ARHGAP35: variants seen among roughly 807,000 people sequenced by gnomAD.
ARHGAP35 encodes the protein rho GTPase-activating protein 35.
In ARHGAP35, 15 loss-of-function variants were observed where a neutral mutation model predicts 111.1. The ratio of observed to expected loss-of-function variants is 0.13; its 90% CI spans 0.09 to 0.21. The LOEUF (loss-of-function observed/expected upper bound fraction) is 0.21, where lower values mean the gene tolerates loss of function less well. ARHGAP35 is among the 10% of genes least tolerant of loss of function. ARHGAP35 has a pLI of 1.00. For missense variants in ARHGAP35, 1,262 were observed against 1,873.0 expected, an observed-to-expected ratio of 0.67 and a Z score of 6.02; for synonymous variants, 643 against 710.3, an observed-to-expected ratio of 0.91 and a Z score of 1.51.
intron 5 of ARHGAP35, among the ~76,000 whole-genome samples, chr19:46,995,938 C>T (rs999670814): frequency 6.6e-6 from 1 of 152,192 alleles, no homozygotes; most frequent in Non-Finnish European, 1.5e-5. Flanking sequence ...CCTCCTTGAC[C>T]TCTGCCCAGC....
intron 3 of ARHGAP35, among the ~76,000 whole-genome samples, chr19:46,938,002 T>G (rs1315178748): frequency 6.6e-6 from 1 of 152,234 alleles, no homozygotes; most frequent in Non-Finnish European, 1.5e-5. Context: ...TGCATTGTTC[T>G]TGAAATAATT....
At chr19:46,981,846 T>C (rs1033403176) in intron 3 of ARHGAP35, among the ~76,000 whole-genome samples, 5 of 151,440 alleles carry the variant, frequency 3.3e-5, no homozygotes, top group African/African-American at 1.2e-4. Flanking sequence ...TGTTTTGTTT[T>C]GTTTTGTTTT....
At chr19:46,900,578 G>C (rs910952040) in intron 1 of ARHGAP35, among the ~76,000 whole-genome samples, 1 of 152,130 alleles carries the variant, frequency 6.6e-6, no homozygotes, top group East Asian at 1.9e-4. Context: ...ATAACTTGAG[G>C]TAATACTTAA....
chr19:46,958,218 C>T (rs932205255), intron 3 of ARHGAP35, among the ~76,000 whole-genome samples: 2 of 151,620 alleles, frequency 1.3e-5, no homozygotes, highest in Non-Finnish European at 2.9e-5. Flanking sequence ...CCCGTCTCTA[C>T]TAAAAATACA....
At chr19:46,953,869 C>T (rs555091262) in intron 3 of ARHGAP35, among the ~76,000 whole-genome samples, 2 of 152,180 alleles carry the variant, frequency 1.3e-5, no homozygotes, top group African/African-American at 4.8e-5. Flanking sequence ...CACACGGTGT[C>T]GTGCCTCTGC....
At chr19:46,957,273 C>G (rs964737259) in intron 3 of ARHGAP35, among the ~76,000 whole-genome samples, 1 of 152,026 alleles carries the variant, frequency 6.6e-6, no homozygotes, top group African/African-American at 2.4e-5. Flanking sequence ...AGCAGACTTT[C>G]TAACACTGCT....
chr19:46,957,952 G>A (rs2056450414), intron 3 of ARHGAP35, among the ~76,000 whole-genome samples: 1 of 152,150 alleles, frequency 6.6e-6, no homozygotes, highest in South Asian at 2.1e-4. Context: ...GGAGGGAGCT[G>A]GAGTGCAGTG....
intron 1 of ARHGAP35, among the ~76,000 whole-genome samples, chr19:46,869,438 C>G (rs1290473295): frequency 6.6e-6 from 1 of 151,050 alleles, no homozygotes; most frequent in South Asian, 2.1e-4. Flanking sequence ...GCAGTCCTGC[C>G]TGGGTGATGG....
At chr19:46,969,396 GGC>G (rs1379459804) in intron 3 of ARHGAP35, among the ~76,000 whole-genome samples, 1 of 152,208 alleles carries the variant, frequency 6.6e-6, no homozygotes, top group African/African-American at 2.4e-5. Flanking sequence ...AGTCTGCAGT[GGC>G]CTGTGTTCTT....
At chr19:46,889,493 A>G (rs1363013573) in intron 1 of ARHGAP35, among the ~76,000 whole-genome samples, 1 of 152,092 alleles carries the variant, frequency 6.6e-6, no homozygotes, top group East Asian at 1.9e-4. Flanking sequence ...ACCGTTCTTT[A>G]GTAAACCAAT....
intron 3 of ARHGAP35, among the ~76,000 whole-genome samples, chr19:46,937,676 T>C (rs2056317558): frequency 6.6e-6 from 1 of 152,206 alleles, no homozygotes; most frequent in Non-Finnish European, 1.5e-5. Flanking sequence ...TTGGGCGCTT[T>C]CTCTGTGCTA....
At chr19:46,894,412 T>A (rs1351175350) in intron 1 of ARHGAP35, among the ~76,000 whole-genome samples, 1 of 151,884 alleles carries the variant, frequency 6.6e-6, no homozygotes, top group Non-Finnish European at 1.5e-5. Flanking sequence ...TTAGATGTAA[T>A]TGACTTTGGT....
At position 46,986,432 on chromosome 19, in the gene ARHGAP35, G is replaced by T. The variant is rs188377036; in HGVS notation, c.3827-1557G>T. 7.9e-5 allele frequency among the ~76,000 whole-genome samples: 12 copies of T among 151,924 alleles called. No individual in the cohort carries two copies. The East Asian group carries it at 2.3e-3, about 29-fold the overall frequency. ...CCAAATAAGTTCCAGAATGATCACA[G>T]AATGAAATGATTTTTTTAACTGATA... is the stretch of plus-strand genomic sequence containing the variant. On this transcript the variant is annotated intron_variant, in intron 3 of 6. Coordinates refer to ENST00000672722, the MANE Select transcript of ARHGAP35 (RefSeq NM_004491.5). This position sits in a 1 kb window ranked among gnomAD's most constrained non-coding sequence, Gnocchi z 4.3.
At position 46,861,096 on chromosome 19, in the gene ARHGAP35, C is replaced by T. The variant is rs1443728415; in HGVS notation, c.-302C>T. Among the ~76,000 whole-genome samples, 1 of 151,142 alleles carries T rather than the reference C, an allele frequency of 6.6e-6. No individual in the cohort carries two copies. Among genetic ancestry groups the T allele is most frequent in the Non-Finnish European group, 1.5e-5 (1 of 67,462 alleles). On this transcript the variant is annotated 5_prime_UTR_variant, in exon 1 of 7. Coordinates refer to ENST00000672722, the MANE Select transcript of ARHGAP35 (RefSeq NM_004491.5). ...CCGCCCGGCCCCCCGCCGCCGGAGCCGCCGCCGCCGCCTCAGCCGCCGCTG... is the reference window on the plus strand; with the variant it reads ...CCGCCCGGCCCCCCGCCGCCGGAGCTGCCGCCGCCGCCTCAGCCGCCGCTG...
intron 1 of ARHGAP35, among the ~76,000 whole-genome samples, chr19:46,878,655 G>T (rs974419501): frequency 2.0e-5 from 3 of 152,040 alleles, no homozygotes; most frequent in African/African-American, 4.8e-5. Context: ...TGTTGTTGTT[G>T]TTTTTTGAGA....
Position 46,999,377 on chromosome 19 carries a change from A to G in ARHGAP35, c.4110A>G (p.Glu1370=), listed in dbSNP as rs1011779918. Residue 1370 remains glutamate (E), a synonymous_variant, in exon 6 of 7, where the codon GAA becomes GAG. Coordinates refer to ENST00000672722, the MANE Select transcript of ARHGAP35 (RefSeq NM_004491.5). The surrounding 1 kb of genome is among the most constrained non-coding windows in gnomAD (Gnocchi z 5.4). ...AGAAATTTCCAAAGGAAAACCACGAAGTCTTCAAGTATGTCATCTCTCACC... is the reference window on the plus strand; with the variant it reads ...AGAAATTTCCAAAGGAAAACCACGAGGTCTTCAAGTATGTCATCTCTCACC... ...VLKKFPKENH[E]VFKYVISHLN... 3.8e-6 allele frequency: 6 copies of G among 1,591,748 alleles called. No individual in the cohort carries two copies. The highest frequency in any genetic ancestry group is 1.3e-5 in the African/African-American group (1 of 74,536).
chr19:46,905,244 T>C (rs977081058), intron 1 of ARHGAP35, among the ~76,000 whole-genome samples: 1 of 152,082 alleles, frequency 6.6e-6, no homozygotes, highest in Non-Finnish European at 1.5e-5. Context: ...GAAAACACTG[T>C]AGGTTGGGCG....
At chr19:46,904,415 C>T (rs1229135931) in intron 1 of ARHGAP35, among the ~76,000 whole-genome samples, 1 of 152,182 alleles carries the variant, frequency 6.6e-6, no homozygotes, top group African/African-American at 2.4e-5. Flanking sequence ...TCTTTATCTG[C>T]CCTGTTCCTT....
chr19:46,988,512 G>T lies in ARHGAP35; in HGVS notation c.3904+446G>T, dbSNP rs1186630823. 1 of 173,914 alleles carries T rather than the reference G, an allele frequency of 5.7e-6. No individual in the cohort carries two copies. Among genetic ancestry groups the T allele is most frequent in the African/African-American group, 2.4e-5 (1 of 41,986 alleles). The allele number at this position is 173,914 out of a possible 1,614,324, so 10.8% of individuals were successfully genotyped here. A position where few individuals can be genotyped will look rare whatever the true frequency, so the allele number is the denominator to read the frequency against. ...AGAAAGTGAGGGACCATCGTGTGAGGAGCTGAGCCCTTGGGACAGAGACCC... is the reference window on the plus strand; with the variant it reads ...AGAAAGTGAGGGACCATCGTGTGAGTAGCTGAGCCCTTGGGACAGAGACCC... On this transcript the variant is annotated intron_variant, in intron 4 of 6. Transcript: ENST00000672722. The surrounding 1 kb of genome is among the most constrained non-coding windows in gnomAD (Gnocchi z 5.4).
Sources: allele counts gnomAD v4.1 joint callset (sites outside exome capture counted in the v4.1 genomes callset), GRCh38; gene constraint gnomAD v4.1.1; non-coding constraint Gnocchi (gnomAD v3.1); transcripts MANE v1.5; gene names NCBI Gene and HGNC (gene_info 2026-07-23, HGNC 2026-07-21).